Variants in ZNF365 observed in about 807,000 individuals in gnomAD.
The protein encoded by ZNF365 is protein ZNF365.
ZNF365 carries 22 observed loss-of-function variants against 35.0 expected under a neutral mutation model. The ratio of observed to expected loss-of-function variants is 0.63; its 90% CI spans 0.45 to 0.90. The LOEUF (loss-of-function observed/expected upper bound fraction) is 0.90. Among genes scored for constraint, ZNF365 ranks in the 40% least tolerant of loss-of-function variants. The pLI is 0.00. For synonymous variants in ZNF365, 188 were observed against 196.2 expected, an observed-to-expected ratio of 0.96 and a Z score of 0.35; for missense variants, 448 against 500.3, an observed-to-expected ratio of 0.90 and a Z score of 1.00.
chr10:62,377,576 T>TTTG (rs879744036), intron 2 of ZNF365, among the ~76,000 whole-genome samples: 4 of 152,012 alleles, frequency 2.6e-5, no homozygotes, highest in African/African-American at 7.3e-5. Flanking sequence ...TGTATTTTTT[T>TTTG]TTGTTATATT....
intron 3 of ZNF365, among the ~76,000 whole-genome samples, chr10:62,439,981 T>C (rs1840469688): frequency 1.3e-5 from 2 of 152,324 alleles, no homozygotes; most frequent in African/African-American, 4.8e-5. Context: ...TCCTTTGTCC[T>C]GTCCGCACTT....
intron 3 of ZNF365, among the ~76,000 whole-genome samples, chr10:62,425,388 A>T (rs1840235916): frequency 1.3e-5 from 2 of 152,212 alleles, no homozygotes; most frequent in Admixed American, 1.3e-4. Context: ...TGAGGAAAAC[A>T]TTTGTAATAT....
At chr10:62,419,425 G>C (rs1251021009) in intron 3 of ZNF365, among the ~76,000 whole-genome samples, 1 of 150,174 alleles carries the variant, frequency 6.7e-6, no homozygotes, top group Non-Finnish European at 1.5e-5. Context: ...CAGCTATCTA[G>C]AAGACTTAGA....
intron 3 of ZNF365, among the ~76,000 whole-genome samples, chr10:62,390,740 G>A (rs1416537729): frequency 6.6e-6 from 1 of 152,188 alleles, no homozygotes; most frequent in Non-Finnish European, 1.5e-5. Context: ...CACATGCCTA[G>A]GGTATATGGT....
intron 3 of ZNF365, among the ~76,000 whole-genome samples, chr10:62,435,341 A>G (rs1418003888): frequency 6.6e-6 from 1 of 152,160 alleles, no homozygotes; most frequent in Non-Finnish European, 1.5e-5. Context: ...GATAAACTTA[A>G]CCTTCTGAAT....
chr10:62,385,043 C>G (rs187701753), intron 2 of ZNF365, among the ~76,000 whole-genome samples: 2 of 152,258 alleles, frequency 1.3e-5, no homozygotes, highest in Non-Finnish European at 2.9e-5. Context: ...TGGTTTTGAT[C>G]CCTTTTTCAT....
chr10:62,413,173 T>C (rs1840012857), intron 3 of ZNF365, among the ~76,000 whole-genome samples: 1 of 152,160 alleles, frequency 6.6e-6, no homozygotes, highest in African/African-American at 2.4e-5. Flanking sequence ...CTAATTCTGA[T>C]ATACACCAAA....
intron 3 of ZNF365, among the ~76,000 whole-genome samples, chr10:62,414,839 C>A (rs950429149): frequency 1.3e-5 from 2 of 152,124 alleles, no homozygotes; most frequent in African/African-American, 4.8e-5. Flanking sequence ...GTATGCTATG[C>A]CTTTTCACTG....
chr10:62,392,824 G>A (rs747794456), intron 3 of ZNF365, among the ~76,000 whole-genome samples: 54 of 152,038 alleles, frequency 3.6e-4, no homozygotes, highest in Admixed American at 1.2e-3. Flanking sequence ...TAGAGACGGG[G>A]TTTCACCACA....
At position 62,399,821 on chromosome 10, in the gene ZNF365, G is replaced by T; in HGVS notation, c.*32G>T. On this transcript the variant is annotated 3_prime_UTR_variant, in exon 5 of 5. Transcript: ENST00000395254. ...GGGTGGTGCTGGACCAATCATCGCT[G>T]GGCTTTGGGGAACGTTGTTCCAGGA... 6.3e-7 allele frequency: 1 copy of T among 1,580,764 alleles called. No individual in the cohort carries two copies. Among genetic ancestry groups the T allele is most frequent in the Non-Finnish European group, 8.6e-7 (1 of 1,161,998 alleles).
chr10:62,430,120 C>T (rs1390413143), intron 3 of ZNF365, among the ~76,000 whole-genome samples: 4 of 152,072 alleles, frequency 2.6e-5, no homozygotes, highest in Non-Finnish European at 5.9e-5. Flanking sequence ...ATTTGAAGAA[C>T]ATCCTTGTAC....
intron 3 of ZNF365, among the ~76,000 whole-genome samples, chr10:62,394,992 A>G (rs1839698869): frequency 6.6e-6 from 1 of 152,138 alleles, no homozygotes; most frequent in Non-Finnish European, 1.5e-5. Context: ...GAGGGAGCTC[A>G]GGTATGCAAG....
chr10:62,403,165 C>T (rs772728266), downstream of ZNF365, among the ~76,000 whole-genome samples: 54 of 152,130 alleles, frequency 3.5e-4, no homozygotes, highest in Non-Finnish European at 6.6e-4. Flanking sequence ...TATTATCTAC[C>T]GTATTCTTAC....
At chr10:62,410,833 A>T (rs1482480254) in intron 3 of ZNF365, among the ~76,000 whole-genome samples, 2 of 152,020 alleles carry the variant, frequency 1.3e-5, no homozygotes, top group East Asian at 3.9e-4. Flanking sequence ...CTGCTTCTAG[A>T]TCTTTGAGAA....
intron 2 of ZNF365, among the ~76,000 whole-genome samples, chr10:62,383,574 T>C (rs187504320): frequency 6.6e-6 from 1 of 152,110 alleles, no homozygotes; most frequent in Non-Finnish European, 1.5e-5. Context: ...TTATAATACA[T>C]GATAGGATCA....
At chr10:62,467,057 C>T (rs1192979536) in intron 4 of ZNF365, among the ~76,000 whole-genome samples, 5 of 152,194 alleles carry the variant, frequency 3.3e-5, no homozygotes, top group African/African-American at 1.2e-4. Flanking sequence ...CATACATTAA[C>T]CATTTGCAAG....
chr10:62,454,984 T>A (rs1840740019), intron 3 of ZNF365, among the ~76,000 whole-genome samples: 1 of 152,064 alleles, frequency 6.6e-6, no homozygotes, highest in Non-Finnish European at 1.5e-5. Context: ...GGAGAAGGGG[T>A]AGAAGAATGT....
intron 4 of ZNF365, among the ~76,000 whole-genome samples, chr10:62,462,291 G>A (rs958603269): frequency 6.6e-6 from 1 of 152,234 alleles, no homozygotes; most frequent in East Asian, 1.9e-4. Context: ...TAGGTACTCA[G>A]ACTTGTTCTT....
downstream of ZNF365, among the ~76,000 whole-genome samples, chr10:62,404,479 A>G (rs1380337039): frequency 1.3e-5 from 2 of 152,130 alleles, no homozygotes; most frequent in Non-Finnish European, 2.9e-5. Context: ...CTGAGCTACT[A>G]TTTCCTTTGA....
Sources: allele counts gnomAD v4.1 joint callset (sites outside exome capture counted in the v4.1 genomes callset), GRCh38; gene constraint gnomAD v4.1.1; transcripts MANE v1.5; gene names NCBI Gene and HGNC (gene_info 2026-07-23, HGNC 2026-07-21).